NTM: variants seen among roughly 807,000 people sequenced by gnomAD.
The protein encoded by NTM is IgLON family member 2.
NTM carries 13 observed loss-of-function variants against 42.1 expected under a neutral mutation model. The ratio of observed to expected loss-of-function variants is 0.31; its 90% CI spans 0.20 to 0.49. The LOEUF is 0.49. Among genes scored for constraint, NTM ranks in the 20% least tolerant of loss-of-function variants. The pLI is 0.99. For missense variants in NTM, 373 were observed against 452.8 expected, an observed-to-expected ratio of 0.82 and a Z score of 1.60; for synonymous variants, 187 against 179.2, an observed-to-expected ratio of 1.04 and a Z score of -0.35.
intron 1 of NTM, among the ~76,000 whole-genome samples, chr11:131,729,180 G>C (rs943678210): frequency 6.6e-6 from 1 of 152,138 alleles, no homozygotes; most frequent in Non-Finnish European, 1.5e-5. Context: ...TGCCAATGAA[G>C]ATTAAATGAG....
intron 1 of NTM, among the ~76,000 whole-genome samples, chr11:131,584,672 G>A (rs2058700677): frequency 6.6e-6 from 1 of 152,222 alleles, no homozygotes; most frequent in Non-Finnish European, 1.5e-5. Context: ...TACCCCTGGG[G>A]TTTCGGCAAG....
chr11:132,169,916 T>G (rs2075885148), intron 3 of NTM, among the ~76,000 whole-genome samples: 1 of 152,146 alleles, frequency 6.6e-6, no homozygotes, highest in South Asian at 2.1e-4. Flanking sequence ...GTCTTTTAGG[T>G]CCTGCATCTC....
At chr11:131,416,762 T>C (rs1290519334) in intron 1 of NTM, among the ~76,000 whole-genome samples, 1 of 152,202 alleles carries the variant, frequency 6.6e-6, no homozygotes, top group Non-Finnish European at 1.5e-5. Flanking sequence ...AGATTTAAAG[T>C]CTTGTTTTTG....
chr11:132,141,920 A>T (rs963881050), intron 2 of NTM, among the ~76,000 whole-genome samples: 2 of 152,216 alleles, frequency 1.3e-5, no homozygotes, highest in Non-Finnish European at 2.9e-5. Flanking sequence ...ACAGAGACAC[A>T]GAAGGCTAAT....
At chr11:131,932,650 T>C (rs944715686) in intron 2 of NTM, among the ~76,000 whole-genome samples, 1 of 152,126 alleles carries the variant, frequency 6.6e-6, no homozygotes, top group Non-Finnish European at 1.5e-5. Context: ...AGACAAGGAA[T>C]AGGAGATGAT....
chr11:131,627,919 GT>G (rs1316776806), intron 1 of NTM, among the ~76,000 whole-genome samples: 2 of 152,062 alleles, frequency 1.3e-5, no homozygotes, highest in African/African-American at 4.8e-5. Flanking sequence ...ACGAATTCAG[GT>G]TTCCATGTTT....
chr11:132,263,181 C>T (rs769963028), intron 4 of NTM, among the ~76,000 whole-genome samples: 5 of 152,182 alleles, frequency 3.3e-5, no homozygotes, highest in African/African-American at 4.8e-5. Context: ...GGTTGCAGCT[C>T]CATGGCCTTG....
rs189842023 is a variant in NTM, at chr11:132,188,406, C to T, written c.401-23616C>T. ...GCTTGCTTTTGAATGCTGTCCTGGA[C>T]AGTACTTTCAGAAATGAAGAGGTTC... On this transcript the variant is annotated intron_variant, in intron 3 of 8. Transcript: ENST00000683400. Among the ~76,000 whole-genome samples the T allele has an allele frequency of 2.4e-3, 370 of 152,226 alleles. 3 individuals carry two copies. The highest frequency in any genetic ancestry group is 8.5e-3 in the African/African-American group (352 of 41,534).
chr11:131,410,890 G>A (rs1946328451), intron 1 of NTM, among the ~76,000 whole-genome samples: 1 of 152,164 alleles, frequency 6.6e-6, no homozygotes, highest in Non-Finnish European at 1.5e-5. Flanking sequence ...TGTAACCACA[G>A]GCATAAATGG....
intron 1 of NTM, among the ~76,000 whole-genome samples, chr11:131,720,124 C>T (rs1188252598): frequency 6.6e-6 from 1 of 152,178 alleles, no homozygotes; most frequent in Non-Finnish European, 1.5e-5. Context: ...TTGCTTGATA[C>T]CTCTTTTACA....
chr11:132,158,736 T>C (rs2137562005), intron 3 of NTM, among the ~76,000 whole-genome samples: 1 of 152,358 alleles, frequency 6.6e-6, no homozygotes, highest in South Asian at 2.1e-4. Flanking sequence ...AACTTCTCTG[T>C]TACTTCTATC....
intron 3 of NTM, among the ~76,000 whole-genome samples, chr11:132,161,501 A>G (rs2074281013): frequency 1.4e-5 from 2 of 147,402 alleles, no homozygotes; most frequent in African/African-American, 5.1e-5. Context: ...GGCACGCTCT[A>G]TCTGATACTC....
chr11:131,972,622 T>G (rs1053788151), intron 2 of NTM, among the ~76,000 whole-genome samples: 2 of 152,172 alleles, frequency 1.3e-5, no homozygotes, highest in Non-Finnish European at 2.9e-5. Context: ...TTTACATGCT[T>G]CTTTTTCTGT....
At chr11:131,828,889 A>ATTTTAGCCTT (rs1223538514) in intron 1 of NTM, among the ~76,000 whole-genome samples, 2 of 152,046 alleles carry the variant, frequency 1.3e-5, no homozygotes, top group Non-Finnish European at 2.9e-5. Flanking sequence ...AGCTAGTAAA[A>ATTTTAGCCTT]ATGTTCCTTT....
At chr11:131,458,883 C>G (rs1014041809) in intron 1 of NTM, among the ~76,000 whole-genome samples, 2 of 152,244 alleles carry the variant, frequency 1.3e-5, no homozygotes, top group Non-Finnish European at 1.5e-5. Context: ...GTAGTCCAAG[C>G]ATTTACATTT....
intron 7 of NTM, among the ~76,000 whole-genome samples, chr11:132,325,381 GAA>G (rs1399881593): frequency 2.6e-5 from 4 of 152,218 alleles, no homozygotes; most frequent in Admixed American, 6.5e-5. Context: ...CTTCTCAAAA[GAA>G]GAGATTTATG....
chr11:131,544,351 G>T (rs567813238), intron 1 of NTM, among the ~76,000 whole-genome samples: 30 of 152,288 alleles, frequency 2.0e-4, no homozygotes, highest in South Asian at 8.3e-4. Context: ...TTCAGTGCCT[G>T]GTTCGTTTGT....
intron 1 of NTM, among the ~76,000 whole-genome samples, chr11:131,851,277 T>C (rs1280577175): frequency 6.6e-6 from 1 of 152,132 alleles, no homozygotes; most frequent in Non-Finnish European, 1.5e-5. Flanking sequence ...AGCTGTTGAA[T>C]ACTGGGCAAG....
chr11:131,618,962 A>G (rs999420923), intron 1 of NTM, among the ~76,000 whole-genome samples: 2 of 152,218 alleles, frequency 1.3e-5, no homozygotes, highest in Admixed American at 1.3e-4. Context: ...ATGTAGAGTG[A>G]TTAGGTAGGA....
Sources: gnomAD v4.1 joint callset for allele counts (sites outside exome capture counted in the v4.1 genomes callset) on GRCh38, gnomAD v4.1.1 for gene constraint, MANE v1.5 for transcripts, NCBI Gene and HGNC (gene_info 2026-07-23, HGNC 2026-07-21) for gene names.